The following ABCA8 variants were observed in gnomAD, a reference collection of about 807,000 sequenced individuals.
ABCA8 encodes ATP binding cassette subfamily A member 8, also known as ABC-type organic anion transporter ABCA8.
A neutral mutation model predicts 192.3 loss-of-function variants in ABCA8; 177 were observed. The observed-to-expected ratio is 0.92, with a 90% CI of 0.81 to 1.04. The LOEUF (loss-of-function observed/expected upper bound fraction) is 1.04. Ranked by LOEUF, ABCA8 falls within the 50% of genes least tolerant of loss-of-function variation. The probability of loss-of-function intolerance (pLI) is 0.00; values close to 1 mark genes in which losing one functional copy is unlikely to be tolerated. For synonymous variants in ABCA8, 642 were observed against 690.2 expected, an observed-to-expected ratio of 0.93 and a Z score of 1.09; for missense variants, 1,915 against 1,904.8, an observed-to-expected ratio of 1.01 and a Z score of -0.10.
rs1441239815 is a variant in ABCA8 at position 68,876,744 on chromosome 17, G to A, written c.4200-41C>T. ...GAGTCGTACAGTCTTCTTGACAAGA[G>A]GAAATAGATAAGAGGATAACCCAAG... is the stretch of plus-strand genomic sequence containing the variant. On this transcript the variant is annotated intron_variant, in intron 33 of 39. Coordinates refer to ENST00000586539, the MANE Select transcript of ABCA8 (RefSeq NM_001288985.2). The A allele has an allele frequency of 3.1e-6, 5 of 1,612,136 alleles. No individual in the cohort carries two copies. The South Asian group carries it at 3.3e-5, about 11-fold the overall frequency.
At chr17:68,888,749 G>C (rs897401267) in intron 24 of ABCA8, among the ~76,000 whole-genome samples, 54 of 152,254 alleles carry the variant, frequency 3.5e-4, no homozygotes, top group African/African-American at 1.2e-3. Context: ...TATCAACCTT[G>C]GAGGTCAAAT....
Position 68,887,496 on chromosome 17 carries a change from C to A in ABCA8, c.3155G>T (p.Arg1052Leu), listed in dbSNP as rs756411451. The change falls in exon 25 of 40, where the codon CGG becomes CTG. Residue 1052 changes from arginine to leucine, a missense_variant. Coordinates refer to ENST00000586539, the MANE Select transcript of ABCA8 (RefSeq NM_001288985.2). ...GAGTCCGGAAATCCGTAGCTGGGAC[C>A]GAGCTCTGTTCTAATTAGGAGACAG... is the stretch of plus-strand genomic sequence containing the variant. ...SSIDDYKNRARSQLRISGLSP... is the reference protein window; with the variant it reads ...SSIDDYKNRALSQLRISGLSP... 2 of 1,609,642 alleles carry A rather than the reference C, an allele frequency of 1.2e-6. No homozygotes were observed. The highest frequency in any genetic ancestry group is 2.2e-5 in the South Asian group (2 of 89,642).
chr17:68,919,670 T>C, intron 13 of ABCA8, 194 bp from the exon 14 acceptor site: 1 of 507,098 alleles, frequency 2.0e-6, no homozygotes, highest in Non-Finnish European at 3.5e-6. Context: ...TGTAGTCCCT[T>C]TGTCTGCCCC....
chr17:68,919,627 A>C lies in ABCA8; in HGVS notation c.1613-151T>G, dbSNP rs1172726607. ...ACTTTAGTTGCATAGTATATTCAAA[A>C]TATGTTCTCATCTGCAGCTTTTCCC... On this transcript the variant is annotated intron_variant, in intron 13 of 39. Coordinates refer to ENST00000586539, the MANE Select transcript of ABCA8 (RefSeq NM_001288985.2). 1.8e-5 allele frequency: 12 copies of C among 649,740 alleles called. No homozygotes were observed. The South Asian group carries it at 2.2e-4, about 12-fold the overall frequency. The allele number at this position is 649,740 out of a possible 1,614,324, so 40.2% of individuals were successfully genotyped here. A position where few individuals can be genotyped will look rare whatever the true frequency, so the allele number is the denominator to read the frequency against.
chr17:68,942,070 T>G (rs1225567986), intron 2 of ABCA8, 31 bp from the exon 3 acceptor site: 1 of 1,504,518 alleles, frequency 6.6e-7, no homozygotes. Context: ...GAAGATAAAA[T>G]TAATATGAAG....
At chr17:68,921,328 T>C (rs1182328205) in intron 13 of ABCA8, 54 bp downstream of exon 13, 10 of 1,308,832 alleles carry the variant, frequency 7.6e-6, no homozygotes, top group Non-Finnish European at 8.7e-6. Context: ...TGTGCACATG[T>C]ACCCTAAAAC....
At chr17:68,872,373 T>C (rs561621504) in intron 37 of ABCA8, among the ~76,000 whole-genome samples, 2 of 143,142 alleles carry the variant, frequency 1.4e-5, no homozygotes, top group South Asian at 2.2e-4. Context: ...TAGGTGGGAA[T>C]TGAACGAGAT....
chr17:68,937,913 TTC>T lies in ABCA8; in HGVS notation c.302-800_302-799del, dbSNP rs1426240364. On this transcript the variant is annotated intron_variant, in intron 4 of 39. Transcript: ENST00000586539. ...TATAGAATAATATCATTACAAAATA[TTC>T]TCTTTTTACAGAATACAGTTTTTGT... Among the ~76,000 whole-genome samples the T allele has an allele frequency of 1.4e-4, 22 of 152,282 alleles. No individual in the cohort carries two copies. In the East Asian group the frequency reaches 2.9e-3, roughly 20 times the overall value.
intron 29 of ABCA8, 100 bp downstream of exon 29, chr17:68,883,691 C>T (rs552098196): frequency 1.4e-6 from 1 of 736,872 alleles, no homozygotes; most frequent in Non-Finnish European, 2.2e-6. Context: ...CCAGCCTATC[C>T]TAGCACAACG....
At chr17:68,914,083 C>G (rs2067289968) in intron 17 of ABCA8, among the ~76,000 whole-genome samples, 1 of 152,020 alleles carries the variant, frequency 6.6e-6, no homozygotes, top group South Asian at 2.1e-4. Flanking sequence ...GCTGAAAAAG[C>G]AATTGATAAA....
At chr17:68,909,385 A>G (rs148898226) in intron 17 of ABCA8, among the ~76,000 whole-genome samples, 9 of 152,188 alleles carry the variant, frequency 5.9e-5, no homozygotes, top group Admixed American at 5.9e-4. Flanking sequence ...CTGTATTTAC[A>G]GAAAGAGGAA....
intron 19 of ABCA8, 98 bp downstream of exon 19, chr17:68,905,946 C>T: frequency 8.7e-7 from 1 of 1,145,154 alleles, no homozygotes; most frequent in Non-Finnish European, 1.2e-6. Context: ...CTAAGAAGAG[C>T]CTTAATCATG....
chr17:68,942,901 C>A (rs533522899), intron 2 of ABCA8, among the ~76,000 whole-genome samples: 1 of 152,252 alleles, frequency 6.6e-6, no homozygotes, highest in East Asian at 1.9e-4. Flanking sequence ...GCACCCAGAC[C>A]AACACCTACA....
intron 4 of ABCA8, among the ~76,000 whole-genome samples, chr17:68,937,432 A>G (rs1208975707): frequency 6.6e-6 from 1 of 152,158 alleles, no homozygotes; most frequent in Non-Finnish European, 1.5e-5. Context: ...TATAAATTTG[A>G]AATGGTAAAT....
Position 68,933,220 on chromosome 17 carries a change from C to A in ABCA8, c.518G>T (p.Trp173Leu). 2 of 1,613,308 alleles carry A rather than the reference C, an allele frequency of 1.2e-6. No homozygotes were observed. The highest frequency in any genetic ancestry group is 1.7e-6 in the Non-Finnish European group (2 of 1,179,622). ...EDVYCEVSVF[W>L]KEGFVALQAA... ...TTGAAGAGCCACAAAACCTTCCTTC[C>A]AAAATACTGAAACTTCACAGTAAAC... Residue 173 changes from tryptophan to leucine, a missense_variant, in exon 6 of 40, where the codon TGG (tryptophan) becomes TTG (leucine). Physicochemically the swap from Trp to Leu is moderately conservative, Grantham distance 61. Coordinates refer to ENST00000586539, the MANE Select transcript of ABCA8 (RefSeq NM_001288985.2).
intron 38 of ABCA8, 65 bp from the exon 39 acceptor site, chr17:68,868,421 A>G (rs779282773): frequency 7.4e-7 from 1 of 1,350,392 alleles, no homozygotes; most frequent in South Asian, 1.2e-5. Flanking sequence ...AAATCAGCAT[A>G]TAGTACAAAT....
In ABCA8 at chr17:68,911,845, A is replaced by C. The variant is rs2067234518; in HGVS notation, c.2139-3966T>G. Among the ~76,000 whole-genome samples the C allele has an allele frequency of 6.6e-6, 1 of 152,076 alleles. No individual in the cohort carries two copies. Among genetic ancestry groups the C allele is most frequent in the Non-Finnish European group, 1.5e-5 (1 of 68,016 alleles). On this transcript the variant is annotated intron_variant, in intron 17 of 39. Transcript: ENST00000586539. This position sits in a 1 kb window ranked among gnomAD's most constrained non-coding sequence, Gnocchi z 5.7. ...TCCAAAGTATTCTCCAAGAGCACCA[A>C]AGTGGTACGTCGAAGAGTCTGCAAG...
intron 14 of ABCA8, among the ~76,000 whole-genome samples, 187 bp downstream of exon 14, chr17:68,919,108 ATTAGAT>A (rs144894755): frequency 0.041 from 6,291 of 152,242 alleles, 419 homozygotes; most frequent in African/African-American, 0.14. Context: ...TAAATGATTT[ATTAGAT>A]TTAAAGTTAA....
At chr17:68,933,110 C>T (rs1482645902) in intron 6 of ABCA8, 58 bp downstream of exon 6, 12 of 1,174,234 alleles carry the variant, frequency 1.0e-5, no homozygotes, top group Non-Finnish European at 1.5e-5. Flanking sequence ...ACTTTTGATG[C>T]CTCTAATATC....
Sources: allele counts gnomAD v4.1 joint callset (sites outside exome capture counted in the v4.1 genomes callset), GRCh38; gene constraint gnomAD v4.1.1; non-coding constraint Gnocchi (gnomAD v3.1); transcripts MANE v1.5; gene names NCBI Gene and HGNC (gene_info 2026-07-23, HGNC 2026-07-21).